TBCEL: variants seen among roughly 807,000 people sequenced by gnomAD.
TBCEL encodes the protein tubulin-specific chaperone cofactor E-like protein.
In TBCEL, 15 loss-of-function variants were observed where a neutral mutation model predicts 44.2. That is an observed-to-expected ratio of 0.34 (90% CI 0.23 to 0.52). The LOEUF (loss-of-function observed/expected upper bound fraction) is 0.52, where lower values mean the gene tolerates loss of function less well. TBCEL is among the 20% of genes least tolerant of loss of function. TBCEL has a pLI of 0.95. For missense variants in TBCEL, 319 were observed against 506.3 expected (o/e 0.63, Z 3.55); for synonymous variants, 171 against 185.4 (o/e 0.92, Z 0.63).
chr11:121,060,238 C>A (rs12225989), intron 8 of TBCEL, among the ~76,000 whole-genome samples, 153 bp downstream of exon 8: 27,077 of 151,796 alleles, frequency 0.18, 2,521 homozygotes, highest in East Asian at 0.33. Context: ...AAGAGCAAAC[C>A]TATTTTATCT....
intron 1 of TBCEL, among the ~76,000 whole-genome samples, chr11:121,025,160 G>T (rs554855926): frequency 1.3e-5 from 2 of 152,334 alleles, no homozygotes; most frequent in South Asian, 4.1e-4. Context: ...AGGTTGCTAG[G>T]CTACAAAGAG....
chr11:121,041,712 C>T (rs770288040), intron 2 of TBCEL, among the ~76,000 whole-genome samples: 59 of 151,828 alleles, frequency 3.9e-4, no homozygotes, highest in South Asian at 8.3e-4. Flanking sequence ...GGTTTTCAGC[C>T]TTTTTTCCCA....
chr11:121,048,751 G>A (rs1945478171), intron 4 of TBCEL, among the ~76,000 whole-genome samples: 1 of 151,816 alleles, frequency 6.6e-6, no homozygotes, highest in South Asian at 2.1e-4. Context: ...ATGGCCCTTT[G>A]CTATTTCTAG....
chr11:121,071,154 C>G (rs1262152956), intron 8 of TBCEL, among the ~76,000 whole-genome samples: 1 of 152,156 alleles, frequency 6.6e-6, no homozygotes, highest in African/African-American at 2.4e-5. Flanking sequence ...GATCAGATGT[C>G]TATCCACATT....
chr11:121,083,856 A>G (rs1946168566), intron 8 of TBCEL, among the ~76,000 whole-genome samples: 2 of 152,136 alleles, frequency 1.3e-5, no homozygotes, highest in African/African-American at 2.4e-5. Context: ...TTGGTGCCTT[A>G]GTTCATTTTG....
intron 3 of TBCEL, 123 bp downstream of exon 3, chr11:121,045,946 C>A: frequency 8.9e-7 from 1 of 1,126,752 alleles, no homozygotes; most frequent in Non-Finnish European, 1.2e-6. Flanking sequence ...GTCTTTCCCC[C>A]TTGTTATGAT....
chr11:121,077,321 A>T (rs1946050910), intron 8 of TBCEL, among the ~76,000 whole-genome samples: 1 of 152,076 alleles, frequency 6.6e-6, no homozygotes, highest in Non-Finnish European at 1.5e-5. Context: ...GACATATAGC[A>T]TGATTCAAGT....
In TBCEL at chr11:121,053,860, C is replaced by T. The variant is rs752436494; in HGVS notation, c.455+128C>T. The T allele has an allele frequency of 1.2e-4, 127 of 1,018,286 alleles. 1 individual carries two copies. The highest frequency in any genetic ancestry group is 6.0e-4 in the Middle Eastern group (2 of 3,328). The allele number at this position is 1,018,286 out of a possible 1,614,324, so 63.1% of individuals were successfully genotyped here. A position where few individuals can be genotyped will look rare whatever the true frequency, so the allele number is the denominator to read the frequency against. The stretch of plus-strand genomic sequence containing the variant: ...TGAGTGGAGAAAGAGGTTAGAAAAA[C>T]GAAGTTATTGGAATGAGAATGTGAG... On this transcript the variant is annotated intron_variant, in intron 5 of 8. Coordinates refer to ENST00000683345, the MANE Select transcript of TBCEL (RefSeq NM_001363644.2).
At chr11:121,076,771 A>G (rs1946041206) in intron 8 of TBCEL, among the ~76,000 whole-genome samples, 1 of 151,996 alleles carries the variant, frequency 6.6e-6, no homozygotes, top group South Asian at 2.1e-4. Context: ...TTACACCACT[A>G]AAAGTGATGT....
At chr11:121,034,350 T>C (rs1329631773) in intron 1 of TBCEL, among the ~76,000 whole-genome samples, 1 of 152,156 alleles carries the variant, frequency 6.6e-6, no homozygotes, top group Non-Finnish European at 1.5e-5. Flanking sequence ...ATGAAATCTT[T>C]TGTGGTTGTG....
chr11:121,084,675 G>GT (rs1278530334), intron 8 of TBCEL, among the ~76,000 whole-genome samples: 2 of 152,052 alleles, frequency 1.3e-5, no homozygotes, highest in Admixed American at 1.3e-4. Context: ...GAGAGCTAGG[G>GT]TATTACAATT....
chr11:121,069,744 A>G (rs1177198118), intron 8 of TBCEL, among the ~76,000 whole-genome samples: 1 of 152,040 alleles, frequency 6.6e-6, no homozygotes, highest in African/African-American at 2.4e-5. Context: ...GTGAGCCAAG[A>G]TTGTGCCGCT....
chr11:121,042,321 A>G lies in TBCEL; in HGVS notation c.-17-3353A>G, dbSNP rs149774984. The stretch of plus-strand genomic sequence containing the variant: ...CTGCTTGAGACAGGTTTTTTTGGTA[A>G]TAGCTATAGTGCCTGTTGCTAGTGG... On this transcript the variant is annotated intron_variant, in intron 2 of 8. Transcript: ENST00000683345. 3.2e-3 allele frequency among the ~76,000 whole-genome samples: 489 copies of G among 152,222 alleles called. 2 individuals carry two copies. Among genetic ancestry groups the G allele is most frequent in the African/African-American group, 0.011 (452 of 41,536 alleles).
intron 4 of TBCEL, among the ~76,000 whole-genome samples, chr11:121,050,617 C>T (rs1051419261): frequency 7.9e-5 from 12 of 151,696 alleles, no homozygotes; most frequent in African/African-American, 2.9e-4. Context: ...TTACTCCATT[C>T]CTTATCAAAA....
At chr11:121,040,258 A>G (rs1945308025) in intron 2 of TBCEL, among the ~76,000 whole-genome samples, 2 of 152,200 alleles carry the variant, frequency 1.3e-5, no homozygotes, top group Admixed American at 1.3e-4. Context: ...TGGCTCCAGA[A>G]TCAGCAGAAT....
At chr11:121,040,036 C>T (rs1392627706) in intron 2 of TBCEL, among the ~76,000 whole-genome samples, 1 of 152,150 alleles carries the variant, frequency 6.6e-6, no homozygotes, top group Non-Finnish European at 1.5e-5. Flanking sequence ...TTAGCCCCAT[C>T]CTAAATTAAT....
At chr11:121,036,714 C>T (rs1057138232) in intron 2 of TBCEL, 102 bp downstream of exon 2, 15 of 152,056 alleles carry the variant, frequency 9.9e-5, no homozygotes, top group Admixed American at 8.5e-4. Flanking sequence ...TCAGAAATTT[C>T]AAGGGCTGTG....
chr11:121,030,984 A>T (rs775481019), intron 1 of TBCEL, among the ~76,000 whole-genome samples: 3 of 152,094 alleles, frequency 2.0e-5, no homozygotes, highest in Non-Finnish European at 4.4e-5. Context: ...GGCATAATGA[A>T]CTACCAATTG....
intron 8 of TBCEL, among the ~76,000 whole-genome samples, chr11:121,074,131 T>TA (rs1224451954): frequency 6.6e-6 from 1 of 151,866 alleles, no homozygotes; most frequent in East Asian, 1.9e-4. Flanking sequence ...AATAGTCACT[T>TA]ACGATTTGGG....
Sources: allele counts gnomAD v4.1 joint callset (sites outside exome capture counted in the v4.1 genomes callset), GRCh38; gene constraint gnomAD v4.1.1; transcripts MANE v1.5; gene names NCBI Gene and HGNC (gene_info 2026-07-23, HGNC 2026-07-21).